Variants in PDE4D observed in about 807,000 individuals in gnomAD.
The protein encoded by PDE4D is 3',5'-cyclic-AMP phosphodiesterase 4D.
PDE4D carries 24 observed loss-of-function variants against 87.4 expected under a neutral mutation model. The ratio of observed to expected loss-of-function variants is 0.27; its 90% confidence interval spans 0.20 to 0.39. The LOEUF is 0.39. PDE4D is among the 10% of genes least tolerant of loss of function. The probability of loss-of-function intolerance (pLI) is 1.00; values close to 1 mark genes in which losing one functional copy is unlikely to be tolerated. For missense variants in PDE4D, 714 were observed against 1,041.0 expected, an observed-to-expected ratio of 0.69 and a Z score of 4.32; for synonymous variants, 384 against 383.2, an observed-to-expected ratio of 1.00 and a Z score of -0.02.
At chr5:59,537,136 CTG>C (rs1815427926) in intron 1 of PDE4D, among the ~76,000 whole-genome samples, 2 of 152,122 alleles carry the variant, frequency 1.3e-5, no homozygotes. Context: ...TAGCTAAGTA[CTG>C]TAGAGTAAAA....
At chr5:59,575,713 A>G (rs573328352) in intron 1 of PDE4D, among the ~76,000 whole-genome samples, 2 of 152,318 alleles carry the variant, frequency 1.3e-5, no homozygotes, top group Non-Finnish European at 2.9e-5. Flanking sequence ...CAATTCTGGA[A>G]AAGTAATGTT....
intron 1 of PDE4D, among the ~76,000 whole-genome samples, chr5:59,715,971 T>C (rs1178033866): frequency 6.6e-6 from 1 of 152,176 alleles, no homozygotes; most frequent in Non-Finnish European, 1.5e-5. Flanking sequence ...TTAAGGCCTA[T>C]GTGTCAGACC....
chr5:59,086,850 A>C (rs918025959), intron 5 of PDE4D, among the ~76,000 whole-genome samples: 16 of 152,120 alleles, frequency 1.1e-4, no homozygotes, highest in Admixed American at 7.9e-4. Flanking sequence ...TTCTTCTTTC[A>C]TCTGAACTCC....
intron 3 of PDE4D, among the ~76,000 whole-genome samples, chr5:59,960,104 A>G (rs755918123): frequency 1.7e-4 from 26 of 152,196 alleles, no homozygotes; most frequent in Non-Finnish European, 3.7e-4. Flanking sequence ...TATACTCAAT[A>G]TCACTAATCA....
intron 1 of PDE4D, among the ~76,000 whole-genome samples, chr5:59,472,676 C>T (rs1483336540): frequency 2.0e-5 from 3 of 152,040 alleles, no homozygotes; most frequent in Non-Finnish European, 4.4e-5. Context: ...TTCCAATATG[C>T]TTTGAAATTA....
chr5:59,170,204 A>G (rs1234001711), intron 5 of PDE4D, among the ~76,000 whole-genome samples: 1 of 152,094 alleles, frequency 6.6e-6, no homozygotes, highest in Non-Finnish European at 1.5e-5. Context: ...TTTTTTGTAG[A>G]GATGGAGGTC....
intron 1 of PDE4D, among the ~76,000 whole-genome samples, chr5:59,671,705 G>C (rs990731251): frequency 6.6e-6 from 1 of 151,738 alleles, no homozygotes; most frequent in African/African-American, 2.4e-5. Context: ...CTATTTGAGA[G>C]GCTGAGGTGG....
At chr5:59,511,694 A>G (rs1411222429) in intron 1 of PDE4D, among the ~76,000 whole-genome samples, 1 of 152,090 alleles carries the variant, frequency 6.6e-6, no homozygotes, top group East Asian at 1.9e-4. Flanking sequence ...ACTTTGATAA[A>G]TATGAAAATG....
At chr5:59,955,373 T>C (rs910703656) in intron 3 of PDE4D, among the ~76,000 whole-genome samples, 2 of 152,296 alleles carry the variant, frequency 1.3e-5, no homozygotes, top group Non-Finnish European at 2.9e-5. Context: ...ATTCAGCTGG[T>C]ATCTGCAGTC....
chr5:59,647,111 T>C (rs551765049), intron 1 of PDE4D, among the ~76,000 whole-genome samples: 52 of 152,290 alleles, frequency 3.4e-4, no homozygotes, highest in African/African-American at 1.2e-3. Flanking sequence ...TAATCCTTAC[T>C]ACAAAATGCA....
chr5:60,029,975 C>T (rs1485731297), intron 2 of PDE4D, among the ~76,000 whole-genome samples: 5 of 152,180 alleles, frequency 3.3e-5, no homozygotes, highest in Non-Finnish European at 5.9e-5. Context: ...CCCCAATTAA[C>T]CCAGGTATAT....
chr5:60,393,171 C>A (rs951574763), intron 1 of PDE4D, among the ~76,000 whole-genome samples: 5 of 152,222 alleles, frequency 3.3e-5, no homozygotes, highest in African/African-American at 1.2e-4. Flanking sequence ...ACCAATTCCA[C>A]AACCTGCTTT....
intron 1 of PDE4D, among the ~76,000 whole-genome samples, chr5:60,254,370 TTCAG>T (rs1748818323): frequency 6.6e-6 from 1 of 151,948 alleles, no homozygotes; most frequent in South Asian, 2.1e-4. Context: ...TCTGTTCATA[TTCAG>T]TCAAAGATGC....
At chr5:60,100,656 G>C (rs1366441279) in intron 2 of PDE4D, among the ~76,000 whole-genome samples, 1 of 151,980 alleles carries the variant, frequency 6.6e-6, no homozygotes, top group East Asian at 1.9e-4. Flanking sequence ...CTCTTCTCAG[G>C]GTTCTTCAAC....
chr5:59,125,101 T>G (rs1335953886), intron 5 of PDE4D: 2 of 172,286 alleles, frequency 1.2e-5, no homozygotes, highest in East Asian at 3.8e-4. Context: ...TACAAATTTG[T>G]GTAACCAAAA....
At chr5:60,058,357 G>T (rs1424382848) in intron 2 of PDE4D, among the ~76,000 whole-genome samples, 1 of 151,808 alleles carries the variant, frequency 6.6e-6, no homozygotes, top group Non-Finnish European at 1.5e-5. Flanking sequence ...TTACTATTCT[G>T]CAAGCAGTGA....
chr5:59,637,052 GAAAC>G (rs1414858118), intron 1 of PDE4D, among the ~76,000 whole-genome samples: 3 of 151,862 alleles, frequency 2.0e-5, no homozygotes, highest in Non-Finnish European at 4.4e-5. Context: ...AAATTTACAA[GAAAC>G]AAACAACCCC....
At chr5:58,997,437 T>C (rs905792384) in intron 6 of PDE4D, among the ~76,000 whole-genome samples, 10 of 152,154 alleles carry the variant, frequency 6.6e-5, no homozygotes, top group African/African-American at 2.4e-4. Flanking sequence ...GAAGGACTGA[T>C]TTAAAGCTAA....
intron 1 of PDE4D, among the ~76,000 whole-genome samples, chr5:59,435,426 T>C (rs2153633629): frequency 6.6e-6 from 1 of 152,344 alleles, no homozygotes; most frequent in Non-Finnish European, 1.5e-5. Context: ...TCTGTTCTTC[T>C]GGCCCACTGG....
Sources: gnomAD v4.1 joint callset for allele counts (sites outside exome capture counted in the v4.1 genomes callset) on GRCh38, gnomAD v4.1.1 for gene constraint, MANE v1.5 for transcripts, NCBI Gene and HGNC (gene_info 2026-07-23, HGNC 2026-07-21) for gene names.